Variants in CLUH observed in about 807,000 individuals in gnomAD.
CLUH encodes clustered mitochondria protein homolog.
In CLUH, 77 loss-of-function variants were observed where a neutral mutation model predicts 139.3. That is an observed-to-expected ratio of 0.55 (90% confidence interval 0.46 to 0.67). The LOEUF (loss-of-function observed/expected upper bound fraction) is 0.67, where lower values mean the gene tolerates loss of function less well. Ranked by LOEUF, CLUH falls within the 30% of genes least tolerant of loss-of-function variation. CLUH has a pLI of 0.00. For synonymous variants in CLUH, 999 were observed against 801.6 expected, an observed-to-expected ratio of 1.25 and a Z score of -4.16; for missense variants, 1,876 against 1,875.8, an observed-to-expected ratio of 1.00 and a Z score of 0.00.
chr17:2,699,924 C>T (rs1274848509), intron 9 of CLUH, among the ~76,000 whole-genome samples: 1 of 152,352 alleles, frequency 6.6e-6, no homozygotes, highest in South Asian at 2.1e-4. Flanking sequence ...GCTACTGAAG[C>T]CGGCCTGAGA....
Position 2,694,534 on chromosome 17 carries a change from G to T in CLUH, c.2883C>A (p.Tyr961Ter). 6.3e-7 allele frequency: 1 copy of T among 1,582,634 alleles called. No homozygotes were observed. The highest frequency in any genetic ancestry group is 8.6e-7 in the Non-Finnish European group (1 of 1,164,868). Reference protein sequence around the residue: ...CETVDQAVETYGLQKITLLRE... With the variant: ...CETVDQAVET Reference sequence around the variant, plus strand: ...GCAGGAGCGTTATCTTCTGCAGGCCGTAGGTCTCCACAGCCTGGTCCACGG... The same window carrying T: ...GCAGGAGCGTTATCTTCTGCAGGCCTTAGGTCTCCACAGCCTGGTCCACGG... The change falls in exon 17 of 26, where the codon TAC becomes TAA. Residue 961 changes from tyrosine to a stop codon, truncating the protein, a stop_gained. Transcript: ENST00000651024. LOFTEE classifies it high-confidence loss of function.
chr17:2,690,427 T>C lies in CLUH; in HGVS notation c.*167A>G, dbSNP rs1465906070. 7.8e-6 allele frequency: 4 copies of C among 513,192 alleles called. No individual in the cohort carries two copies. Among genetic ancestry groups the C allele is most frequent in the African/African-American group, 6.0e-5 (3 of 50,058 alleles). 31.8% of individuals were successfully genotyped at this position (513,192 alleles called of 1,614,324 possible). ...ATTGAACCAGCGCAAAAACACCTTC[T>C]GCGGGGCAGGCAGGCCAGGCTCCCA... On this transcript the variant is annotated 3_prime_UTR_variant, in exon 26 of 26. Transcript: ENST00000651024.
At chr17:2,698,691 T>C (rs779711148) in intron 9 of CLUH, 101 bp from the exon 10 acceptor site, 1 of 1,131,464 alleles carries the variant, frequency 8.8e-7, no homozygotes, top group Non-Finnish European at 1.2e-6. Context: ...CAACCGGGCC[T>C]GCCTTGGAAA....
chr17:2,700,738 G>C lies in CLUH; in HGVS notation c.1113C>G (p.Cys371Trp). The C allele has an allele frequency of 1.3e-6, 2 of 1,544,964 alleles. No individual in the cohort carries two copies. The highest frequency in any genetic ancestry group is 1.7e-6 in the Non-Finnish European group (2 of 1,151,136). Residue 371 changes from cysteine (C) to tryptophan (W), a missense_variant, in exon 8 of 26, where the codon TGC becomes TGG. Physicochemically the swap from Cys to Trp is radical, Grantham distance 215 (BLOSUM62 -2). This residue lies in a region of CLUH where 1,454 missense variants were observed against 1,384.4 expected (regional missense o/e 1.05). Transcript: ENST00000651024. ...TAPQAEHAMD[C>W]VRAEDAYTSR... is the part of the protein sequence containing the mutation. ...AGGTGTAGGCGTCCTCTGCACGCAC[G>C]CAATCCATGGCATGCTCCGCCTGGG...
At position 2,691,926 on chromosome 17, in the gene CLUH, C is replaced by G. The variant is rs540128789; in HGVS notation, c.3655-31G>C. On this transcript the variant is annotated intron_variant, in intron 23 of 25. Transcript: ENST00000651024. ...GGGAGGCGGGAAGGGATCAGGCCCC[C>G]CCGTGCCCCCGCGGCCCCGCCCCCG... The G allele has an allele frequency of 3.6e-5, 42 of 1,156,394 alleles. No individual in the cohort carries two copies. In the Admixed American group the frequency reaches 5.4e-4, roughly 15 times the overall value. 71.6% of individuals were successfully genotyped at this position (1,156,394 alleles called of 1,614,324 possible).
At chr17:2,699,702 G>A (rs1390444929) in intron 9 of CLUH, among the ~76,000 whole-genome samples, 1 of 150,922 alleles carries the variant, frequency 6.6e-6, no homozygotes, top group Non-Finnish European at 1.5e-5. Context: ...TGCAATTTCG[G>A]CTCACTGCAA....
In CLUH at chr17:2,692,465, C is replaced by T. The variant is rs368522006; in HGVS notation, c.3456G>A (p.Val1152=). The change falls in exon 22 of 26, where the codon GTG becomes GTA. Residue 1152 remains valine, a synonymous_variant. Coordinates refer to ENST00000651024, the MANE Select transcript of CLUH (RefSeq NM_001366661.1). ...MALLDNNIGL[V]LHGVMEYDLS... ...GGTCGTACTCCATCACCCCGTGCAG[C>T]ACCAGCCCGATGTTGTTCTGGGGGC... The T allele has an allele frequency of 6.3e-7, 1 of 1,599,554 alleles. No individual in the cohort carries two copies. Among genetic ancestry groups the T allele is most frequent in the Non-Finnish European group, 8.5e-7 (1 of 1,178,140 alleles).
In CLUH at chr17:2,694,847, C is replaced by CCGCA. The variant is rs780398479; in HGVS notation, c.2852+6_2852+9dup. ...TCCCACCCACCCCACCGCCCCTGCC[C>CCGCA]CGCACGCACCACTCGAGGTCGAAGT... On this transcript the variant is annotated intron_variant, in intron 16 of 25. Coordinates refer to ENST00000651024, the MANE Select transcript of CLUH (RefSeq NM_001366661.1). 12 of 1,499,930 alleles carry CCGCA rather than the reference C, an allele frequency of 8.0e-6. No individual in the cohort carries two copies. The South Asian group carries it at 1.6e-4, about 20-fold the overall frequency. The allele number at this position is 1,499,930 out of a possible 1,614,324, so 92.9% of individuals were successfully genotyped here.
chr17:2,690,851 G>A (rs555363266), intron 25 of CLUH, 74 bp from the exon 26 acceptor site: 4 of 1,240,012 alleles, frequency 3.2e-6, no homozygotes, highest in African/African-American at 1.6e-5. Flanking sequence ...CGGCTTTCCT[G>A]TGGGATAAGC....
At chr17:2,693,784 G>A in intron 19 of CLUH, 116 bp downstream of exon 19, 1 of 1,355,862 alleles carries the variant, frequency 7.4e-7, no homozygotes. Flanking sequence ...GGCCTGGGCA[G>A]AACCAGCGAC....
rs771060137 is a variant in CLUH, at chr17:2,695,044, T to G, written c.2665A>C (p.Ser889Arg). Residue 889 changes from serine (S) to arginine (R), a missense_variant, in exon 16 of 26, where the codon AGC (serine) becomes CGC (arginine). Physicochemically the swap from Ser to Arg is moderately radical, Grantham distance 110. This residue lies in a region of CLUH where 1,454 missense variants were observed against 1,384.4 expected (regional missense o/e 1.05). Transcript: ENST00000651024. ...AISHFLNCFL[S>R]SYPNPVAHLP... ...TGGGCCACGGGGTTTGGGTAGGAGC[T>G]CAGGAAGCAGTTCAGGAAGTGGCTG... 2 of 1,613,368 alleles carry G rather than the reference T, an allele frequency of 1.2e-6. No homozygotes were observed. The highest frequency in any genetic ancestry group is 8.5e-7 in the Non-Finnish European group (1 of 1,179,704).
rs761673346 is a variant in CLUH at position 2,692,106 on chromosome 17, AGGCGC to A, written c.3561-14_3561-10del. On this transcript the variant is annotated splice_polypyrimidine_tract_variant and intron_variant, in intron 22 of 25. Coordinates refer to ENST00000651024, the MANE Select transcript of CLUH (RefSeq NM_001366661.1). ...GGGCGACAAGGTGGTGGCTGCCGGG[AGGCGC>A]GGCGCGGGGCGAGGGAAGGGCATAA... The A allele has an allele frequency of 4.4e-6, 7 of 1,595,528 alleles. No individual in the cohort carries two copies. The highest frequency in any genetic ancestry group is 2.3e-5 in the East Asian group (1 of 44,158).
At chr17:2,696,319 G>A (rs1243001552) in intron 12 of CLUH, 60 bp from the exon 13 acceptor site, 5 of 1,504,062 alleles carry the variant, frequency 3.3e-6, no homozygotes, top group South Asian at 1.2e-5. Context: ...GCCGCCTGGC[G>A]CTGGCGGGGG....
rs949453884 is a variant in CLUH, at chr17:2,703,748, G to C, written c.304-259C>G. On this transcript the variant is annotated intron_variant, in intron 2 of 25. Coordinates refer to ENST00000651024, the MANE Select transcript of CLUH (RefSeq NM_001366661.1). The surrounding 1 kb of genome is among the most constrained non-coding windows in gnomAD (Gnocchi z 4.2). The stretch of plus-strand genomic sequence containing the variant: ...AGCCTGGAGCCTGGCCCACCGACTC[G>C]GCCTGCAGACCCAGAGCAATGCCCG... Among the ~76,000 whole-genome samples the C allele has an allele frequency of 6.6e-6, 1 of 151,950 alleles. No homozygotes were observed. Among genetic ancestry groups the C allele is most frequent in the African/African-American group, 2.4e-5 (1 of 41,350 alleles).
intron 19 of CLUH, among the ~76,000 whole-genome samples, chr17:2,693,204 T>C (rs1238540164): frequency 6.9e-6 from 1 of 145,398 alleles, no homozygotes; most frequent in African/African-American, 2.5e-5. Context: ...GAGACCATCC[T>C]GGCCAACATG....
At chr17:2,690,939 C>T (rs922032543) in intron 25 of CLUH, among the ~76,000 whole-genome samples, 162 bp from the exon 26 acceptor site, 1 of 152,114 alleles carries the variant, frequency 6.6e-6, no homozygotes, top group African/African-American at 2.4e-5. Context: ...TCCCTGAACA[C>T]GGAGAAGGTA....
chr17:2,695,236 G>A lies in CLUH; in HGVS notation c.2589C>T (p.Ile863=), dbSNP rs749325890. ...GELITRSAKH[I]FKTYLQGVEL... ...GTGGCACCTGTAAGTACGTCTTGAAGATGTGCTTGGCCGAGCGGGTGATGA... is the reference window on the plus strand; with the variant it reads ...GTGGCACCTGTAAGTACGTCTTGAAAATGTGCTTGGCCGAGCGGGTGATGA... The change falls in exon 15 of 26, where the codon ATC becomes ATT. Residue 863 remains isoleucine (I), a synonymous_variant. Transcript: ENST00000651024. 1.2e-6 allele frequency: 2 copies of A among 1,613,942 alleles called. No individual in the cohort carries two copies. Among genetic ancestry groups the A allele is most frequent in the Non-Finnish European group, 1.7e-6 (2 of 1,179,876 alleles).
chr17:2,691,535 C>A, intron 25 of CLUH, 74 bp downstream of exon 25: 1 of 1,472,682 alleles, frequency 6.8e-7, no homozygotes, highest in Non-Finnish European at 9.3e-7. Flanking sequence ...CACTCCAGCC[C>A]GGGTGACAGG....
intron 25 of CLUH, among the ~76,000 whole-genome samples, chr17:2,691,283 G>A (rs1282720998): frequency 6.6e-6 from 1 of 152,204 alleles, no homozygotes; most frequent in Non-Finnish European, 1.5e-5. Context: ...AGCGGGGCGG[G>A]CCGGGCGCGA....
Sources: allele counts gnomAD v4.1 joint callset (sites outside exome capture counted in the v4.1 genomes callset), GRCh38; gene constraint gnomAD v4.1.1; regional missense constraint gnomAD v4.1.1; non-coding constraint Gnocchi (gnomAD v3.1); transcripts MANE v1.5; gene names NCBI Gene and HGNC (gene_info 2026-07-23, HGNC 2026-07-21).